Variants in HAUS6 observed in about 807,000 individuals in gnomAD.
HAUS6 encodes the protein HAUS augmin like complex subunit 6.
A neutral mutation model predicts 106.8 loss-of-function variants in HAUS6; 80 were observed. The observed-to-expected ratio is 0.75, with a 90% CI of 0.63 to 0.90. The LOEUF (loss-of-function observed/expected upper bound fraction) is 0.90, where lower values mean the gene tolerates loss of function less well. Ranked by LOEUF, HAUS6 falls within the 40% of genes least tolerant of loss-of-function variation. HAUS6 has a pLI of 0.00. For synonymous variants in HAUS6, 356 were observed against 379.1 expected (o/e 0.94, Z 0.71); for missense variants, 1,155 against 1,118.1 (o/e 1.03, Z -0.47).
Position 19,058,826 on chromosome 9 carries a change from A to G in HAUS6, c.1941T>C (p.Asp647=). 6.2e-7 allele frequency: 1 copy of G among 1,614,226 alleles called. No individual in the cohort carries two copies. Among genetic ancestry groups the G allele is most frequent in the Non-Finnish European group, 8.5e-7 (1 of 1,180,028 alleles). ...ADFLLETTVS[D]FGQSHLTEEK... ...CTTCAGTCAAATGAGACTGGCCAAAATCTGATACAGTGGTTTCTAAGAGAA... is the reference window on the plus strand; with the variant it reads ...CTTCAGTCAAATGAGACTGGCCAAAGTCTGATACAGTGGTTTCTAAGAGAA... Residue 647 remains aspartate (D), a synonymous_variant, in exon 16 of 17, where the codon GAT becomes GAC. Coordinates refer to ENST00000380502, the MANE Select transcript of HAUS6 (RefSeq NM_017645.5).
chr9:19,059,148 T>C (rs1175522476), intron 15 of HAUS6, 147 bp from the exon 16 acceptor site: 13 of 594,240 alleles, frequency 2.2e-5, no homozygotes, highest in Non-Finnish European at 3.3e-5. Context: ...GCCTCCACAA[T>C]ATAACAAATC....
At chr9:19,080,370 A>G in intron 9 of HAUS6, 109 bp downstream of exon 9, 1 of 689,778 alleles carries the variant, frequency 1.4e-6, no homozygotes, top group African/African-American at 1.8e-5. Context: ...GAGTATTAGA[A>G]TTCTCATACT....
At chr9:19,084,359 G>A (rs774171959) in intron 7 of HAUS6, among the ~76,000 whole-genome samples, 17 of 152,102 alleles carry the variant, frequency 1.1e-4, no homozygotes, top group Non-Finnish European at 2.4e-4. Context: ...TCCCCGTGGG[G>A]GCAAACAGTG....
At position 19,076,500 on chromosome 9, in the gene HAUS6, A is replaced by G. The variant is rs1051753002; in HGVS notation, c.1294+102T>C. Reference sequence around the variant, plus strand: ...TACATGCATTTCACCACAATAAAAAAAAATGGAGGAAAAAGATAAGGAATT... The same window carrying G: ...TACATGCATTTCACCACAATAAAAAGAAATGGAGGAAAAAGATAAGGAATT... On this transcript the variant is annotated intron_variant, in intron 11 of 16. Transcript: ENST00000380502. 3 of 699,716 alleles carry G rather than the reference A, an allele frequency of 4.3e-6. No homozygotes were observed. The African/African-American group carries it at 5.5e-5, about 13-fold the overall frequency. 43.3% of individuals were successfully genotyped at this position (699,716 alleles called of 1,614,324 possible).
At chr9:19,068,329 A>G (rs1484907425) in intron 12 of HAUS6, among the ~76,000 whole-genome samples, 1 of 152,138 alleles carries the variant, frequency 6.6e-6, no homozygotes, top group African/African-American at 2.4e-5. Context: ...ATAGACTAAA[A>G]TATGGTTCTT....
At chr9:19,061,856 T>C (rs1473394133) in intron 14 of HAUS6, among the ~76,000 whole-genome samples, 1 of 152,106 alleles carries the variant, frequency 6.6e-6, no homozygotes, top group Non-Finnish European at 1.5e-5. Context: ...GAAAAGTGTC[T>C]GACATCCAGT....
At chr9:19,079,175 A>G (rs1379088995) in intron 9 of HAUS6, among the ~76,000 whole-genome samples, 4 of 151,180 alleles carry the variant, frequency 2.6e-5, no homozygotes, top group South Asian at 2.1e-4. Flanking sequence ...AAAAAAAAAA[A>G]AAAAAATACA....
chr9:19,091,251 G>A (rs1319590724), intron 4 of HAUS6, among the ~76,000 whole-genome samples: 2 of 151,310 alleles, frequency 1.3e-5, no homozygotes, highest in African/African-American at 4.9e-5. Context: ...AGTAAGCCGA[G>A]ATCGCGCCAC....
intron 11 of HAUS6, among the ~76,000 whole-genome samples, chr9:19,073,642 C>CAA (rs1169227581): frequency 1.2e-5 from 1 of 82,646 alleles, no homozygotes; most frequent in African/African-American, 4.8e-5. Flanking sequence ...AGTGGATCTC[C>CAA]AAAAAAAAAA....
intron 12 of HAUS6, among the ~76,000 whole-genome samples, chr9:19,069,183 A>G (rs1436606485): frequency 2.0e-5 from 3 of 152,206 alleles, no homozygotes; most frequent in African/African-American, 7.2e-5. Flanking sequence ...AGATGATCTC[A>G]AAGGCCCCCA....
At chr9:19,070,708 A>ATAAC (rs1488424491) in intron 11 of HAUS6, among the ~76,000 whole-genome samples, 1 of 152,242 alleles carries the variant, frequency 6.6e-6, no homozygotes, top group Admixed American at 6.5e-5. Context: ...CTATGACTGA[A>ATAAC]TAACTACATG....
Position 19,087,099 on chromosome 9 carries a change from T to A in HAUS6, c.642A>T (p.Gln214His), listed in dbSNP as rs1837314898. ...LRSECIGLEN[Q>H]IKKMEPYDDH... ...CTCTAAAAGTCACTTACTTCTTTAT[T>A]TGGTTTTCCAATCCTATACATTCAG... The change falls in exon 6 of 17, where the codon CAA becomes CAT. Residue 214 changes from glutamine (Q) to histidine (H), a missense_variant. Physicochemically the swap from Gln to His is conservative, Grantham distance 24 (BLOSUM62 0). This residue lies in a region of HAUS6 where 761 missense variants were observed against 690.0 expected (regional missense o/e 1.10). Coordinates refer to ENST00000380502, the MANE Select transcript of HAUS6 (RefSeq NM_017645.5). 1 of 1,473,732 alleles carries A rather than the reference T, an allele frequency of 6.8e-7. No homozygotes were observed. The allele number at this position is 1,473,732 out of a possible 1,614,324, so 91.3% of individuals were successfully genotyped here.
intron 1 of HAUS6, among the ~76,000 whole-genome samples, chr9:19,100,351 G>A (rs976789854): frequency 2.0e-5 from 3 of 152,208 alleles, no homozygotes; most frequent in Non-Finnish European, 4.4e-5. Context: ...GAGAGACAGA[G>A]CCAGACTATC....
intron 10 of HAUS6, among the ~76,000 whole-genome samples, 193 bp from the exon 11 acceptor site, chr9:19,076,897 G>A (rs1837020490): frequency 6.6e-6 from 1 of 152,082 alleles, no homozygotes; most frequent in Non-Finnish European, 1.5e-5. Context: ...AGGCTAAAGA[G>A]CAGTGACATT....
chr9:19,077,675 A>T (rs1444976549), intron 10 of HAUS6, among the ~76,000 whole-genome samples: 1 of 152,336 alleles, frequency 6.6e-6, no homozygotes, highest in East Asian at 1.9e-4. Flanking sequence ...TAGAAACTTT[A>T]GACTCAAATG....
In HAUS6 at chr9:19,098,729, T is replaced by TAA. The variant is rs77208190; in HGVS notation, c.129-1962_129-1961dup. Among the ~76,000 whole-genome samples the TAA allele has an allele frequency of 7.3e-4, 111 of 151,812 alleles. 1 individual carries two copies. The highest frequency in any genetic ancestry group is 2.5e-3 in the African/African-American group (105 of 41,452). ...TGAGTCATACATTATGTTTAACATT[T>TAA]AAAAAAAGTGGAGCCGGGCCCGGTG... On this transcript the variant is annotated intron_variant, in intron 1 of 16. Coordinates refer to ENST00000380502, the MANE Select transcript of HAUS6 (RefSeq NM_017645.5).
intron 2 of HAUS6, among the ~76,000 whole-genome samples, chr9:19,094,694 G>T (rs1341296522): frequency 6.6e-6 from 1 of 152,058 alleles, no homozygotes; most frequent in East Asian, 1.9e-4. Context: ...CGGGAGCTGA[G>T]GCACGAGTAT....
intron 5 of HAUS6, 122 bp downstream of exon 5, chr9:19,089,290 T>G: frequency 1.5e-6 from 1 of 651,106 alleles, no homozygotes; most frequent in Non-Finnish European, 2.6e-6. Flanking sequence ...TTATCTGACT[T>G]TAAAATAGAA....
chr9:19,079,178 A>T (rs1837078860), intron 9 of HAUS6, among the ~76,000 whole-genome samples: 6 of 151,118 alleles, frequency 4.0e-5, no homozygotes, highest in Admixed American at 3.3e-4. Context: ...AAAAAAAAAA[A>T]AAATACACGA....
Sources: gnomAD v4.1 joint callset for allele counts (sites outside exome capture counted in the v4.1 genomes callset) on GRCh38, gnomAD v4.1.1 for gene constraint, gnomAD v4.1.1 regional missense constraint, MANE v1.5 for transcripts, NCBI Gene and HGNC (gene_info 2026-07-23, HGNC 2026-07-21) for gene names.